C2CD2: variants seen among roughly 807,000 people sequenced by gnomAD.
C2CD2 encodes the protein C2 calcium dependent domain containing 2.
In C2CD2, 43 loss-of-function variants were observed where a neutral mutation model predicts 74.3. The observed-to-expected ratio is 0.58, with a 90% CI of 0.45 to 0.75. The LOEUF is 0.75. Among genes scored for constraint, C2CD2 ranks in the 30% least tolerant of loss-of-function variants. The pLI, the probability that C2CD2 is intolerant of heterozygous loss-of-function variation, is 0.00. For missense variants in C2CD2, 801 were observed against 916.3 expected, an observed-to-expected ratio of 0.87 and a Z score of 1.63; for synonymous variants, 422 against 390.7, an observed-to-expected ratio of 1.08 and a Z score of -0.94.
chr21:41,889,288 CT>C lies in C2CD2; in HGVS notation c.1926del (p.Asp643ThrfsTer4), dbSNP rs747628044. ...TTGTGTGACTGACTCATGCCTGGGT[CT>C]TTCTGTTGATGCCGCCGGCGGAAGA... Reference protein sequence around the residue: ...KLFFRRRHQQKDPGMSQSHND... With the variant: ...KLFFRRRHQQXDPGMSQSHND... On this transcript the variant is annotated frameshift_variant, in exon 14 of 14. Transcript: ENST00000380486. LOFTEE classifies it high-confidence loss of function. 1 of 1,614,098 alleles carries C rather than the reference CT, an allele frequency of 6.2e-7. No individual in the cohort carries two copies. Among genetic ancestry groups the C allele is most frequent in the Non-Finnish European group, 8.5e-7 (1 of 1,180,014 alleles).
chr21:41,904,182 G>A lies in C2CD2; in HGVS notation c.1432+1542C>T, dbSNP rs918825818. On this transcript the variant is annotated intron_variant, in intron 11 of 13. Coordinates refer to ENST00000380486, the MANE Select transcript of C2CD2 (RefSeq NM_015500.2). ...GTGACCTCTGGCTGTCCTCACTGCC[G>A]ATGATACACTGAGGATAACGCATTA... Among the ~76,000 whole-genome samples, 3 of 152,148 alleles carry A rather than the reference G, an allele frequency of 2.0e-5. No homozygotes were observed. The East Asian group carries it at 5.8e-4, about 29-fold the overall frequency.
At position 41,888,739 on chromosome 21, in the gene C2CD2, A is replaced by C; in HGVS notation, c.*385T>G. On this transcript the variant is annotated 3_prime_UTR_variant, in exon 14 of 14. Transcript: ENST00000380486. ...GTGACATGGTCCAGGCATGGACCCA[A>C]AACAACACTTGTTAGTGTAGAATAG... is the stretch of plus-strand genomic sequence containing the variant. 4.2e-6 allele frequency: 1 copy of C among 236,572 alleles called. No individual in the cohort carries two copies. Among genetic ancestry groups the C allele is most frequent in the African/African-American group, 2.2e-5 (1 of 45,148 alleles). 14.7% of individuals were successfully genotyped at this position (236,572 alleles called of 1,614,324 possible). A position where few individuals can be genotyped will look rare whatever the true frequency, so the allele number is the denominator to read the frequency against.
At chr21:41,918,767 AGC>A (rs2065121618) in intron 4 of C2CD2, 87 bp downstream of exon 4, 2 of 991,874 alleles carry the variant, frequency 2.0e-6, no homozygotes, top group South Asian at 1.4e-5. Context: ...CAGCAACACC[AGC>A]CATGCACTCA....
Position 41,942,272 on chromosome 21 carries a change from G to A in C2CD2, c.280-27C>T, listed in dbSNP as rs1402442295. On this transcript the variant is annotated intron_variant, in intron 1 of 13. Coordinates refer to ENST00000380486, the MANE Select transcript of C2CD2 (RefSeq NM_015500.2). The stretch of plus-strand genomic sequence containing the variant: ...TGGAACAGAGGGGCAGCATGAGGAG[G>A]GCATGCACAGGAGGGGCTGCATCTT... The A allele has an allele frequency of 4.0e-6, 6 of 1,497,128 alleles. No homozygotes were observed. In the African/African-American group the frequency reaches 7.0e-5, roughly 17 times the overall value. 92.7% of individuals were successfully genotyped at this position (1,497,128 alleles called of 1,614,324 possible).
chr21:41,915,208 G>A lies in C2CD2; in HGVS notation c.721-487C>T, dbSNP rs764223477. Among the ~76,000 whole-genome samples, 16 of 152,178 alleles carry A rather than the reference G, an allele frequency of 1.1e-4. 1 individual carries two copies. The highest frequency in any genetic ancestry group is 1.9e-4 in the Non-Finnish European group (13 of 68,028). ...TTCCCACCTCCACACAGAGTCCAACGTCCACATGAGGAAAGTCTATGCATA... is the reference window on the plus strand; with the variant it reads ...TTCCCACCTCCACACAGAGTCCAACATCCACATGAGGAAAGTCTATGCATA... On this transcript the variant is annotated intron_variant, in intron 5 of 13. Coordinates refer to ENST00000380486, the MANE Select transcript of C2CD2 (RefSeq NM_015500.2).
At chr21:41,908,286 G>C (rs2064989016) in intron 8 of C2CD2, 1 of 96,192 alleles carries the variant, frequency 1.0e-5, no homozygotes, top group Admixed American at 1.1e-4. Flanking sequence ...TAAGGGGAGG[G>C]AGAGAGAGAC....
At position 41,939,332 on chromosome 21, in the gene C2CD2, T is replaced by C. The variant is rs569807611; in HGVS notation, c.378+2815A>G. On this transcript the variant is annotated intron_variant, in intron 2 of 13. Coordinates refer to ENST00000380486, the MANE Select transcript of C2CD2 (RefSeq NM_015500.2). This position sits in a 1 kb window ranked among gnomAD's most constrained non-coding sequence, Gnocchi z 5.5. ...TGGCAATATGAAGTTTTTTTAAAGATGGAGTCTTGCTATTTCCACAGCCCC... is the reference window on the plus strand; with the variant it reads ...TGGCAATATGAAGTTTTTTTAAAGACGGAGTCTTGCTATTTCCACAGCCCC... Among the ~76,000 whole-genome samples the C allele has an allele frequency of 2.6e-5, 4 of 152,364 alleles. No homozygotes were observed. The highest frequency in any genetic ancestry group is 1.9e-4 in the East Asian group (1 of 5,194).
rs1169092359 is a variant in C2CD2, at chr21:41,953,470, G to A, written c.179C>T (p.Ser60Phe). Residue 60 changes from serine to phenylalanine, a missense_variant, in exon 1 of 14, where the codon TCC (serine) becomes TTC (phenylalanine). Transcript: ENST00000380486. ...CAGGATCCAGGAGAGCAGCGCGTCG[G>A]ACCCCGGGCGCGGCCCCTCTCCAGG... ...VEPGEGPRPG[S>F]DALLSWILTL... The A allele has an allele frequency of 6.7e-7, 1 of 1,484,008 alleles. No homozygotes were observed. 91.9% of individuals were successfully genotyped at this position (1,484,008 alleles called of 1,614,324 possible). A position where few individuals can be genotyped will look rare whatever the true frequency, so the allele number is the denominator to read the frequency against.
At position 41,899,339 on chromosome 21, in the gene C2CD2, G is replaced by A. The variant is rs753836400; in HGVS notation, c.1584C>T (p.Asp528=). The change falls in exon 13 of 14, where the codon GAC becomes GAT. Residue 528 remains aspartate (D), a synonymous_variant. Coordinates refer to ENST00000380486, the MANE Select transcript of C2CD2 (RefSeq NM_015500.2). The surrounding 1 kb of genome is among the most constrained non-coding windows in gnomAD (Gnocchi z 4.4). ...CCGTGTAGCCCTGCATCAGGGCAGC[G>A]TCGTGGTCCTGAGATAGTGAGGTCT... The part of the protein sequence containing the change: ...ISKTSLSQDH[D]AALMQGYTAS... 26 of 1,607,382 alleles carry A rather than the reference G, an allele frequency of 1.6e-5. No homozygotes were observed. Among genetic ancestry groups the A allele is most frequent in the African/African-American group, 1.2e-4 (9 of 74,936 alleles).
chr21:41,913,257 T>C (rs1481877403), intron 6 of C2CD2, among the ~76,000 whole-genome samples: 2 of 152,268 alleles, frequency 1.3e-5, no homozygotes, highest in Non-Finnish European at 2.9e-5. Context: ...GACATGTCAC[T>C]AGTGAACAGC....
intron 1 of C2CD2, among the ~76,000 whole-genome samples, chr21:41,946,426 G>A (rs1216648206): frequency 6.6e-6 from 1 of 152,206 alleles, no homozygotes; most frequent in Non-Finnish European, 1.5e-5. Context: ...GTGCTGTACA[G>A]TGAGTGAGTT....
chr21:41,904,568 G>A (rs545734049), intron 11 of C2CD2, among the ~76,000 whole-genome samples: 5 of 152,294 alleles, frequency 3.3e-5, no homozygotes, highest in South Asian at 2.1e-4. Context: ...TTCTGGTAAC[G>A]AAAGGAGGGG....
intron 6 of C2CD2, among the ~76,000 whole-genome samples, chr21:41,914,384 C>A (rs1243470294): frequency 6.6e-6 from 1 of 152,150 alleles, no homozygotes; most frequent in East Asian, 1.9e-4. Context: ...ACTCCTTTCC[C>A]TCCTTGGCCT....
chr21:41,926,385 G>A lies in C2CD2; in HGVS notation c.379-4300C>T, dbSNP rs1252270618. The A allele has an allele frequency of 2.0e-6, 2 of 976,104 alleles. No individual in the cohort carries two copies. The highest frequency in any genetic ancestry group is 3.5e-5 in the African/African-American group (2 of 57,062). 60.5% of individuals were successfully genotyped at this position (976,104 alleles called of 1,614,324 possible). A position where few individuals can be genotyped will look rare whatever the true frequency, so the allele number is the denominator to read the frequency against. On this transcript the variant is annotated intron_variant, in intron 2 of 13. Transcript: ENST00000380486. The surrounding 1 kb of genome is among the most constrained non-coding windows in gnomAD (Gnocchi z 8.0). ...GTAAGTCAGGGTCTCCACATGGAAA[G>A]GCCAAGGGGGGACTCACGGTTGGCA...
Position 41,888,943 on chromosome 21 carries a change from G to A in C2CD2, c.*181C>T, listed in dbSNP as rs918482398. 3.4e-5 allele frequency: 21 copies of A among 612,788 alleles called. No homozygotes were observed. Among genetic ancestry groups the A allele is most frequent in the Non-Finnish European group, 5.5e-5 (19 of 346,238 alleles). The allele number at this position is 612,788 out of a possible 1,614,324, so 38.0% of individuals were successfully genotyped here. ...CAAGTTGGGCTTTTTTGTCCTCTCT[G>A]GGAGAAGCCTCCTGGCTGGAGACTC... On this transcript the variant is annotated 3_prime_UTR_variant, in exon 14 of 14. Transcript: ENST00000380486.
intron 13 of C2CD2, among the ~76,000 whole-genome samples, chr21:41,890,883 T>C (rs2064744838): frequency 6.6e-6 from 1 of 152,194 alleles, no homozygotes; most frequent in Admixed American, 6.5e-5. Flanking sequence ...CCCCTGAGCC[T>C]GACTTCAAGC....
Position 41,895,340 on chromosome 21 carries a change from A to G in C2CD2, c.1870+3713T>C, listed in dbSNP as rs550622827. Among the ~76,000 whole-genome samples, 2 of 152,316 alleles carry G rather than the reference A, an allele frequency of 1.3e-5. No homozygotes were observed. Among genetic ancestry groups the G allele is most frequent in the East Asian group, 3.9e-4 (2 of 5,186 alleles). ...ATCCAGTAACTGATGGTCTGGATCA[A>G]GCAGATCATCTGCTTGACTTTGAGC... On this transcript the variant is annotated intron_variant, in intron 13 of 13. Transcript: ENST00000380486. The surrounding 1 kb of genome is among the most constrained non-coding windows in gnomAD (Gnocchi z 5.0).
chr21:41,919,894 C>G (rs2065136819), intron 3 of C2CD2, among the ~76,000 whole-genome samples: 1 of 152,182 alleles, frequency 6.6e-6, no homozygotes, highest in East Asian at 1.9e-4. Context: ...GGAGATGACC[C>G]TGGGTCCTTC....
In C2CD2 at chr21:41,942,243, G is replaced by A. The variant is rs1226732138; in HGVS notation, c.282C>T (p.Gly94=). 1.9e-6 allele frequency: 3 copies of A among 1,549,678 alleles called. No homozygotes were observed. Among genetic ancestry groups the A allele is most frequent in the Non-Finnish European group, 1.7e-6 (2 of 1,146,618 alleles). ...ALNEEAERKG[G]PPFLSFEEDP... is the part of the protein sequence containing the mutation. ...CCTCCTCAAAGGACAGGAAAGGTGGGCCCTGGAACAGAGGGGCAGCATGAG... is the reference window on the plus strand; with the variant it reads ...CCTCCTCAAAGGACAGGAAAGGTGGACCCTGGAACAGAGGGGCAGCATGAG... The change falls in exon 2 of 14, where the codon GGC becomes GGT. Residue 94 remains glycine (G), a splice_region_variant and synonymous_variant. Coordinates refer to ENST00000380486, the MANE Select transcript of C2CD2 (RefSeq NM_015500.2).
Sources: allele counts gnomAD v4.1 joint callset (sites outside exome capture counted in the v4.1 genomes callset), GRCh38; gene constraint gnomAD v4.1.1; non-coding constraint Gnocchi (gnomAD v3.1); transcripts MANE v1.5; gene names NCBI Gene and HGNC (gene_info 2026-07-23, HGNC 2026-07-21).